The following PCLO variants were observed in gnomAD, a reference collection of about 807,000 sequenced individuals.
PCLO encodes piccolo presynaptic cytomatrix protein, also known as protein piccolo.
A neutral mutation model predicts 427.5 loss-of-function variants in PCLO; 82 were observed. That is an observed-to-expected ratio of 0.19 (90% CI 0.16 to 0.23). The LOEUF is 0.23. PCLO is among the 10% of genes least tolerant of loss of function. PCLO has a pLI of 1.00. For missense variants in PCLO, 6,239 were observed against 6,115.9 expected (o/e 1.02, Z -0.67); for synonymous variants, 2,357 against 2,155.4 (o/e 1.09, Z -2.59).
At chr7:82,926,990 G>C (rs550944957) in intron 6 of PCLO, among the ~76,000 whole-genome samples, 1 of 151,960 alleles carries the variant, frequency 6.6e-6, no homozygotes, top group African/African-American at 2.4e-5. Flanking sequence ...TGTTCATATG[G>C]TTCCTGAATA....
chr7:82,809,741 A>G (rs1029694923), intron 20 of PCLO, among the ~76,000 whole-genome samples: 1 of 151,670 alleles, frequency 6.6e-6, no homozygotes, highest in African/African-American at 2.4e-5. Flanking sequence ...AGTCCACTTG[A>G]TATGGAAGCT....
intron 9 of PCLO, among the ~76,000 whole-genome samples, chr7:82,898,302 A>C (rs1218727013): frequency 6.6e-6 from 1 of 151,520 alleles, no homozygotes; most frequent in Non-Finnish European, 1.5e-5. Context: ...AGAATCTTTG[A>C]GATCATGAGG....
chr7:82,915,493 T>C lies in PCLO; in HGVS notation c.12493A>G (p.Ser4165Gly). 6.2e-7 allele frequency: 1 copy of C among 1,613,740 alleles called. No individual in the cohort carries two copies. The highest frequency in any genetic ancestry group is 8.5e-7 in the Non-Finnish European group (1 of 1,179,690). Residue 4165 changes from serine to glycine, a missense_variant, in exon 7 of 25, where the codon AGC becomes GGC. Coordinates refer to ENST00000333891, the MANE Select transcript of PCLO (RefSeq NM_033026.6). Reference sequence around the variant, plus strand: ...TTTTCAAGTGTGAGTCTACTGATGCTATACTTCTCAGATTTTGGAAAATGT... The same window carrying C: ...TTTTCAAGTGTGAGTCTACTGATGCCATACTTCTCAGATTTTGGAAAATGT... ...YRHFPKSEKY[S>G]ISRLTLEKQA...
rs372121632 is a variant in PCLO, at chr7:82,845,496, A to G, written c.13832-11T>C. On this transcript the variant is annotated splice_polypyrimidine_tract_variant and intron_variant, in intron 12 of 24. Transcript: ENST00000333891. ...ATTTCGCCTTATCCACTACAACAAA[A>G]TGAAAGAGATTTACATACTTCTCCA... The G allele has an allele frequency of 6.3e-7, 1 of 1,578,542 alleles. No homozygotes were observed. Among genetic ancestry groups the G allele is most frequent in the African/African-American group, 1.3e-5 (1 of 74,228 alleles).
At chr7:82,994,228 A>T (rs1796442443) in intron 3 of PCLO, among the ~76,000 whole-genome samples, 1 of 152,080 alleles carries the variant, frequency 6.6e-6, no homozygotes, top group South Asian at 2.1e-4. Flanking sequence ...TGTGCTAGGC[A>T]ATACAACAGT....
At chr7:82,858,042 C>T (rs1283910556) in intron 10 of PCLO, among the ~76,000 whole-genome samples, 1 of 152,086 alleles carries the variant, frequency 6.6e-6, no homozygotes, top group Non-Finnish European at 1.5e-5. Flanking sequence ...ACCATTATCC[C>T]TGATGAACAT....
intron 3 of PCLO, among the ~76,000 whole-genome samples, chr7:83,068,066 T>C (rs973918142): frequency 3.9e-5 from 6 of 152,174 alleles, no homozygotes; most frequent in South Asian, 2.1e-4. Flanking sequence ...GGGTAATATA[T>C]AAAAGTCAAA....
At chr7:83,013,332 C>T (rs1788130941) in intron 3 of PCLO, among the ~76,000 whole-genome samples, 1 of 152,136 alleles carries the variant, frequency 6.6e-6, no homozygotes, top group Non-Finnish European at 1.5e-5. Context: ...CACTGCACTG[C>T]ATTATTACAT....
intron 6 of PCLO, 106 bp downstream of exon 6, chr7:82,949,370 G>A (rs1205851768): frequency 1.3e-6 from 1 of 788,360 alleles, no homozygotes; most frequent in Non-Finnish European, 2.1e-6. Context: ...CCCTAATCTA[G>A]TATTAGGTTT....
At chr7:83,051,786 CG>C (rs1789261079) in intron 3 of PCLO, among the ~76,000 whole-genome samples, 1 of 151,988 alleles carries the variant, frequency 6.6e-6, no homozygotes, top group Admixed American at 6.6e-5. Context: ...AGGGCTGTCA[CG>C]ACACAGCTTC....
Position 82,955,497 on chromosome 7 carries a change from C to A in PCLO, c.5456G>T (p.Arg1819Ile). 6.2e-7 allele frequency: 1 copy of A among 1,613,706 alleles called. No homozygotes were observed. The highest frequency in any genetic ancestry group is 8.5e-7 in the Non-Finnish European group (1 of 1,179,828). ...KDKDELRAQR[R>I]RERPKTPPSN... ...AGGTGGTGTCTTTGGCCTTTCCCTT[C>A]TTCTCTGAGCTCGAAGTTCATCTTT... Residue 1819 changes from arginine (R) to isoleucine (I), a missense_variant, in exon 5 of 25, where the codon AGA (arginine) becomes ATA (isoleucine). Arg to Ile is a moderately conservative substitution (Grantham distance 97, BLOSUM62 -3). Around this residue, in one of 5 missense-constraint regions of PCLO, gnomAD observed 4,677 missense variants for 4,468.4 expected, o/e 1.05. Transcript: ENST00000333891.
chr7:82,822,977 A>G (rs1791832701), intron 19 of PCLO, among the ~76,000 whole-genome samples: 1 of 152,108 alleles, frequency 6.6e-6, no homozygotes, highest in Admixed American at 6.6e-5. Flanking sequence ...TTCACCAAGC[A>G]CCTCTGCTAA....
chr7:83,095,788 C>A (rs1790519296), intron 3 of PCLO, among the ~76,000 whole-genome samples: 1 of 151,968 alleles, frequency 6.6e-6, no homozygotes, highest in Admixed American at 6.6e-5. Flanking sequence ...CTAGAGAACT[C>A]ATTCTATATG....
intron 3 of PCLO, among the ~76,000 whole-genome samples, chr7:83,128,311 T>C (rs10279269): frequency 6.6e-6 from 1 of 151,844 alleles, no homozygotes; most frequent in African/African-American, 2.4e-5. Context: ...AACCCAATAT[T>C]CTAAAATGTC....
At chr7:82,871,873 T>C (rs1158609747) in intron 10 of PCLO, among the ~76,000 whole-genome samples, 4 of 151,686 alleles carry the variant, frequency 2.6e-5, no homozygotes, top group Admixed American at 1.3e-4. Flanking sequence ...CTTTAAAAAA[T>C]GGTGCATAGG....
intron 3 of PCLO, among the ~76,000 whole-genome samples, chr7:83,130,847 A>T (rs371281399): frequency 1.4e-4 from 21 of 152,324 alleles, no homozygotes; most frequent in African/African-American, 5.1e-4. Flanking sequence ...AGCAATTCCT[A>T]CATTATTTAG....
At chr7:83,012,424 C>G (rs530859001) in intron 3 of PCLO, among the ~76,000 whole-genome samples, 2 of 151,954 alleles carry the variant, frequency 1.3e-5, no homozygotes, top group East Asian at 3.9e-4. Context: ...TTGAGACCAG[C>G]CTGACCAACA....
intron 15 of PCLO, 26 bp from the exon 16 acceptor site, chr7:82,835,719 G>A: frequency 6.3e-7 from 1 of 1,597,108 alleles, no homozygotes; most frequent in Non-Finnish European, 8.6e-7. Flanking sequence ...GAGCGAGAGT[G>A]AAGGGGTAAA....
intron 3 of PCLO, among the ~76,000 whole-genome samples, chr7:83,125,207 G>A (rs1357443207): frequency 7.2e-5 from 11 of 151,930 alleles, no homozygotes; most frequent in South Asian, 4.2e-4. Flanking sequence ...CTCTCTGCCC[G>A]GCCGCCCATT....
Sources: allele counts gnomAD v4.1 joint callset (sites outside exome capture counted in the v4.1 genomes callset), GRCh38; gene constraint gnomAD v4.1.1; regional missense constraint gnomAD v4.1.1; transcripts MANE v1.5; gene names NCBI Gene and HGNC (gene_info 2026-07-23, HGNC 2026-07-21).